Variants in RFX4 observed in about 807,000 individuals in gnomAD.
The protein encoded by RFX4 is transcription factor RFX4.
In RFX4, 10 loss-of-function variants were observed where a neutral mutation model predicts 95.0. The observed-to-expected ratio is 0.11, with a 90% CI of 0.06 to 0.18. The LOEUF (loss-of-function observed/expected upper bound fraction) is 0.18. RFX4 is among the 10% of genes least tolerant of loss of function. The pLI, the probability that RFX4 is intolerant of heterozygous loss-of-function variation, is 1.00. For synonymous variants in RFX4, 321 were observed against 340.7 expected (o/e 0.94, Z 0.64); for missense variants, 640 against 922.0 (o/e 0.69, Z 3.96).
intron 1 of RFX4, among the ~76,000 whole-genome samples, chr12:106,599,468 G>A (rs545124684): frequency 1.2e-4 from 17 of 142,552 alleles, no homozygotes; most frequent in African/African-American, 4.0e-4. Context: ...GCAAGTCATC[G>A]CTGTGATGAT....
At chr12:106,643,162 G>A (rs569740387) in intron 3 of RFX4, among the ~76,000 whole-genome samples, 3 of 152,260 alleles carry the variant, frequency 2.0e-5, no homozygotes, top group South Asian at 4.2e-4. Flanking sequence ...TGGGAGAGGC[G>A]GTTGCCTTCA....
At chr12:106,707,193 A>G (rs1414899259) in intron 8 of RFX4, among the ~76,000 whole-genome samples, 2 of 152,160 alleles carry the variant, frequency 1.3e-5, no homozygotes, top group Non-Finnish European at 2.9e-5. Flanking sequence ...AAAAGTGATC[A>G]ATAAAAATAA....
At position 106,604,910 on chromosome 12, in the gene RFX4, A is replaced by G. The variant is rs1419470494; in HGVS notation, c.44-3887A>G. Among the ~76,000 whole-genome samples the G allele has an allele frequency of 3.3e-5, 5 of 152,248 alleles. No individual in the cohort carries two copies. The East Asian group carries it at 9.6e-4, about 29-fold the overall frequency. ...TGGGGACTAAACAGGACATAGAAAA[A>G]GGAGAAAGCTCAGTTCACATTTGGA... On this transcript the variant is annotated intron_variant, in intron 1 of 17. Coordinates refer to ENST00000392842, the MANE Select transcript of RFX4 (RefSeq NM_213594.3).
chr12:106,660,430 T>C (rs1022857780), intron 4 of RFX4, among the ~76,000 whole-genome samples: 1 of 151,820 alleles, frequency 6.6e-6, no homozygotes, highest in Non-Finnish European at 1.5e-5. Context: ...GTGGGTGTTT[T>C]AATTTCACCA....
chr12:106,755,690 C>T (rs1205854367), intron 17 of RFX4, among the ~76,000 whole-genome samples: 3 of 152,198 alleles, frequency 2.0e-5, no homozygotes, highest in African/African-American at 7.2e-5. Context: ...AGAAAATCCA[C>T]TGCAGGGCTA....
At chr12:106,635,990 GTTCT>G (rs1328727815) in intron 2 of RFX4, among the ~76,000 whole-genome samples, 3 of 152,176 alleles carry the variant, frequency 2.0e-5, no homozygotes, top group Non-Finnish European at 4.4e-5. Context: ...TTATTGTGCT[GTTCT>G]TTAAGACTGG....
chr12:106,755,525 G>A (rs2043093157), intron 17 of RFX4, among the ~76,000 whole-genome samples: 1 of 152,154 alleles, frequency 6.6e-6, no homozygotes, highest in Non-Finnish European at 1.5e-5. Flanking sequence ...CTAAACCAGT[G>A]GTACTTAATA....
At chr12:106,667,259 G>A (rs1241905999) in intron 4 of RFX4, among the ~76,000 whole-genome samples, 2 of 152,146 alleles carry the variant, frequency 1.3e-5, no homozygotes, top group East Asian at 3.9e-4. Flanking sequence ...CCGCATGGAA[G>A]GCTAGAGCTG....
chr12:106,760,302 C>A lies in RFX4; in HGVS notation c.1936-895C>A, dbSNP rs185241863. Among the ~76,000 whole-genome samples the A allele has an allele frequency of 2.4e-4, 36 of 152,346 alleles. 1 individual carries two copies. The East Asian group carries it at 6.2e-3, about 26-fold the overall frequency. Reference sequence around the variant, plus strand: ...TCAAAGGAAGCCCATAGCTCCTCCCCTTCCTCCCCTCTGATCCTACTAACG... The same window carrying A: ...TCAAAGGAAGCCCATAGCTCCTCCCATTCCTCCCCTCTGATCCTACTAACG... On this transcript the variant is annotated intron_variant, in intron 17 of 17. Coordinates refer to ENST00000392842, the MANE Select transcript of RFX4 (RefSeq NM_213594.3).
Position 106,638,017 on chromosome 12 carries a change from ATT to A in RFX4, c.131-1302_131-1301del, listed in dbSNP as rs369260734. 4.0e-3 allele frequency among the ~76,000 whole-genome samples: 584 copies of A among 145,330 alleles called. 5 individuals carry two copies. The highest frequency in any genetic ancestry group is 0.013 in the African/African-American group (528 of 39,888). On this transcript the variant is annotated intron_variant, in intron 2 of 17. Coordinates refer to ENST00000392842, the MANE Select transcript of RFX4 (RefSeq NM_213594.3). ...TATTCGATTATTACTATTACACTGG[ATT>A]TTTTTTTTTTTTGAATCTTGCTCTG...
intron 3 of RFX4, among the ~76,000 whole-genome samples, chr12:106,640,017 C>T (rs1029260268): frequency 1.3e-5 from 2 of 152,176 alleles, no homozygotes; most frequent in African/African-American, 2.4e-5. Flanking sequence ...ATTCCCCTAG[C>T]AGTGCAGCCG....
At chr12:106,718,038 T>C (rs1466587483) in intron 11 of RFX4, among the ~76,000 whole-genome samples, 1 of 152,218 alleles carries the variant, frequency 6.6e-6, no homozygotes, top group African/African-American at 2.4e-5. Flanking sequence ...ATTTTAAAAG[T>C]GCACATTAGT....
chr12:106,710,588 CAAG>C (rs776284243), intron 9 of RFX4, among the ~76,000 whole-genome samples: 84 of 152,202 alleles, frequency 5.5e-4, no homozygotes, highest in Non-Finnish European at 1.0e-3. Flanking sequence ...CAGAAATTAC[CAAG>C]AAGAATGCCC....
chr12:106,639,062 C>T (rs1369274059), intron 2 of RFX4, among the ~76,000 whole-genome samples: 2 of 152,220 alleles, frequency 1.3e-5, no homozygotes, highest in East Asian at 3.9e-4. Context: ...GATCACATTG[C>T]TCAGTGATAA....
chr12:106,718,746 A>T lies in RFX4; in HGVS notation c.1139-1214A>T, dbSNP rs145033828. ...CTGCATACAGAAACACAAAAATGTG[A>T]TGAAAAGAGATGTTTCAAACTAGAG... On this transcript the variant is annotated intron_variant, in intron 11 of 17. Transcript: ENST00000392842. Among the ~76,000 whole-genome samples, 425 of 152,338 alleles carry T rather than the reference A, an allele frequency of 2.8e-3. 1 individual carries two copies. Among genetic ancestry groups the T allele is most frequent in the African/African-American group, 9.4e-3 (390 of 41,584 alleles).
intron 4 of RFX4, among the ~76,000 whole-genome samples, chr12:106,657,155 A>AGTTG (rs1466077157): frequency 1.3e-5 from 2 of 152,214 alleles, no homozygotes; most frequent in African/African-American, 2.4e-5. Context: ...GAAAGGGACT[A>AGTTG]GTTGTTCTGT....
chr12:106,601,352 G>T, intron 1 of RFX4: 1 of 1,576,426 alleles, frequency 6.3e-7, no homozygotes, highest in South Asian at 1.2e-5. Flanking sequence ...CACTGGTAAT[G>T]ACCAGGGCCC....
At chr12:106,589,315 T>A (rs1028198949) in intron 1 of RFX4, among the ~76,000 whole-genome samples, 11 of 152,156 alleles carry the variant, frequency 7.2e-5, no homozygotes, top group Non-Finnish European at 1.6e-4. Context: ...ATGAACAAGG[T>A]CACAGTCCCT....
rs577941176 is a variant in RFX4, at chr12:106,762,166, G to A, written c.*697G>A. The A allele has an allele frequency of 6.5e-6, 1 of 152,750 alleles. No homozygotes were observed. The highest frequency in any genetic ancestry group is 1.9e-4 in the East Asian group (1 of 5,186). 9.5% of individuals were successfully genotyped at this position (152,750 alleles called of 1,614,324 possible). ...CTTAAGTTGATTGAGGTTTGTAGGA[G>A]ACTGGTTCTTCTACATACAAGGATT... is the stretch of plus-strand genomic sequence containing the variant. On this transcript the variant is annotated 3_prime_UTR_variant, in exon 18 of 18. Coordinates refer to ENST00000392842, the MANE Select transcript of RFX4 (RefSeq NM_213594.3).
Sources: allele counts gnomAD v4.1 joint callset (sites outside exome capture counted in the v4.1 genomes callset), GRCh38; gene constraint gnomAD v4.1.1; transcripts MANE v1.5; gene names NCBI Gene and HGNC (gene_info 2026-07-23, HGNC 2026-07-21).